Variants in OCA2 observed in about 807,000 individuals in gnomAD.
The protein encoded by OCA2 is P protein.
In OCA2, 77 loss-of-function variants were observed where a neutral mutation model predicts 100.2. The ratio of observed to expected loss-of-function variants is 0.77; its 90% confidence interval spans 0.64 to 0.93. OCA2 has a LOEUF of 0.93. Ranked by LOEUF, OCA2 falls within the 40% of genes least tolerant of loss-of-function variation. The pLI is 0.00. For missense variants in OCA2, 1,062 were observed against 1,089.1 expected (o/e 0.98, Z 0.35); for synonymous variants, 432 against 439.2 (o/e 0.98, Z 0.21).
intron 2 of OCA2, among the ~76,000 whole-genome samples, chr15:28,071,630 C>G (rs776697709): frequency 4.6e-5 from 7 of 152,240 alleles, no homozygotes; most frequent in Non-Finnish European, 1.0e-4. Context: ...CTACATCTAT[C>G]TGATCTTTGA....
chr15:28,095,793 C>T (rs2044966140), intron 1 of OCA2, among the ~76,000 whole-genome samples: 1 of 152,082 alleles, frequency 6.6e-6, no homozygotes, highest in Non-Finnish European at 1.5e-5. Flanking sequence ...CGAGAAGCAC[C>T]AGGTTTAGGC....
intron 21 of OCA2, among the ~76,000 whole-genome samples, chr15:27,854,070 C>A (rs1015970592): frequency 1.2e-4 from 18 of 152,206 alleles, no homozygotes; most frequent in African/African-American, 4.3e-4. Context: ...CTGCTGCATC[C>A]CACTGGGGCA....
chr15:27,979,001 T>C (rs1436403654), intron 14 of OCA2, among the ~76,000 whole-genome samples: 1 of 152,186 alleles, frequency 6.6e-6, no homozygotes, highest in Non-Finnish European at 1.5e-5. Flanking sequence ...ATCTTTATAT[T>C]TTAAACTTGT....
chr15:28,051,001 T>G (rs1242535840), intron 2 of OCA2, among the ~76,000 whole-genome samples: 1 of 152,150 alleles, frequency 6.6e-6, no homozygotes, highest in East Asian at 1.9e-4. Context: ...GCTGCATGTG[T>G]GGCCCTGCAC....
rs367919609 is a variant in OCA2, at chr15:27,913,838, GGAAAGAAAGAAA to G, written c.2079+12277_2079+12288del. 6.9e-3 allele frequency among the ~76,000 whole-genome samples: 255 copies of G among 37,022 alleles called. 11 individuals are homozygous for G. Among genetic ancestry groups the G allele is most frequent in the Admixed American group, 0.013 (34 of 2,564 alleles). The allele number at this position is 37,022 out of a possible 152,430, so 24.3% of individuals were successfully genotyped here. ...AAAGAGAAAGAAAGAAAGAAAGAAA[GGAAAGAAAGAAA>G]GAAAGAAAGAAAGAAAGAAAGAAAG... On this transcript the variant is annotated intron_variant, in intron 19 of 23. Transcript: ENST00000354638.
At chr15:27,756,249 A>C (rs976623086) in intron 23 of OCA2, among the ~76,000 whole-genome samples, 4 of 152,232 alleles carry the variant, frequency 2.6e-5, no homozygotes, top group Non-Finnish European at 4.4e-5. Flanking sequence ...CTTAAGTTTT[A>C]GCAGTAAGAG....
At chr15:27,989,552 C>CAAGGA (rs2041476419) in intron 11 of OCA2, 49 bp downstream of exon 11, 1 of 1,522,264 alleles carries the variant, frequency 6.6e-7, no homozygotes, top group Non-Finnish European at 9.1e-7. Context: ...AGAGAAGGCC[C>CAAGGA]GGTTACCGCA....
chr15:27,985,296 C>T (rs987991086), intron 12 of OCA2, 108 bp from the exon 13 acceptor site: 49 of 1,350,148 alleles, frequency 3.6e-5, no homozygotes, highest in Non-Finnish European at 4.9e-5. Flanking sequence ...CTAACATTAC[C>T]CCATGGGTTA....
the OCA2 span, among the ~76,000 whole-genome samples, chr15:27,719,879 A>G: frequency 3.4e-4 from 52 of 152,200 alleles, no homozygotes; most frequent in African/African-American, 1.2e-3. Context: ...AGGACTGACC[A>G]TGTCACTCAT....
the OCA2 span, among the ~76,000 whole-genome samples, chr15:27,737,254 C>T: frequency 6.6e-6 from 1 of 152,018 alleles, no homozygotes; most frequent in South Asian, 2.1e-4. Flanking sequence ...AGATTCAATG[C>T]AATTGTAATC....
At chr15:28,075,061 C>T (rs2044389496) in intron 2 of OCA2, among the ~76,000 whole-genome samples, 1 of 152,150 alleles carries the variant, frequency 6.6e-6, no homozygotes, top group Non-Finnish European at 1.5e-5. Flanking sequence ...AAAACTACAA[C>T]ACTTCTAAAA....
intron 19 of OCA2, among the ~76,000 whole-genome samples, chr15:27,913,001 A>C (rs934453071): frequency 1.3e-5 from 2 of 152,194 alleles, no homozygotes; most frequent in African/African-American, 2.4e-5. Context: ...CATGAGACAA[A>C]CCCAAACTGA....
At chr15:28,067,626 C>A (rs558172176) in intron 2 of OCA2, among the ~76,000 whole-genome samples, 5 of 152,112 alleles carry the variant, frequency 3.3e-5, no homozygotes, top group African/African-American at 1.2e-4. Context: ...TGTTTAATTT[C>A]CATGTATTTT....
At chr15:27,786,307 C>G (rs2032812476) in intron 23 of OCA2, among the ~76,000 whole-genome samples, 1 of 152,094 alleles carries the variant, frequency 6.6e-6, no homozygotes, top group African/African-American at 2.4e-5. Flanking sequence ...TTGTTAATTT[C>G]TGAGGGGGAA....
At chr15:27,878,036 C>G in intron 19 of OCA2, among the ~76,000 whole-genome samples, 1 of 150,760 alleles carries the variant, frequency 6.6e-6, no homozygotes, top group East Asian at 1.9e-4. Flanking sequence ...TATTTTAGTA[C>G]TTACTCCGTG....
chr15:27,959,690 G>A (rs576364719), intron 15 of OCA2, among the ~76,000 whole-genome samples: 1 of 152,226 alleles, frequency 6.6e-6, no homozygotes, highest in South Asian at 2.1e-4. Flanking sequence ...GCAAAGCCTG[G>A]GAACCAAGGC....
At chr15:27,949,046 C>T (rs924727820) in intron 18 of OCA2, among the ~76,000 whole-genome samples, 15 of 151,688 alleles carry the variant, frequency 9.9e-5, no homozygotes, top group South Asian at 4.2e-4. Flanking sequence ...ATCCAAAGAA[C>T]GCTACATTCA....
At chr15:28,088,054 C>T (rs1595934992) in intron 1 of OCA2, among the ~76,000 whole-genome samples, 1 of 151,678 alleles carries the variant, frequency 6.6e-6, no homozygotes, top group African/African-American at 2.4e-5. Context: ...GAAAGCGAAC[C>T]TGCATCTCAA....
In OCA2 at chr15:27,854,596, T is replaced by G. The variant is rs115630351; in HGVS notation, c.2245-3121A>C. On this transcript the variant is annotated intron_variant, in intron 21 of 23. Transcript: ENST00000354638. ...CAGCAGGGTGCTCCCATGCAGTCCC[T>G]GAGGCACTTTTCAAGCTTTGCTTTT... Among the ~76,000 whole-genome samples the G allele has an allele frequency of 2.7e-3, 412 of 152,338 alleles. 2 individuals are homozygous for G. The highest frequency in any genetic ancestry group is 9.6e-3 in the African/African-American group (398 of 41,586).
Sources: gnomAD v4.1 joint callset for allele counts (sites outside exome capture counted in the v4.1 genomes callset) on GRCh38, gnomAD v4.1.1 for gene constraint, MANE v1.5 for transcripts, NCBI Gene and HGNC (gene_info 2026-07-23, HGNC 2026-07-21) for gene names.